Variants in GPR158 observed in about 807,000 individuals in gnomAD.
GPR158 encodes the protein G protein-coupled receptor 158, also known as metabotropic glycine receptor.
Under a neutral mutation model 78.2 loss-of-function variants are expected in GPR158, and 30 were observed. That is an observed-to-expected ratio of 0.38 (90% CI 0.29 to 0.52). The LOEUF is 0.52. Among genes scored for constraint, GPR158 ranks in the 20% least tolerant of loss-of-function variants. The pLI, the probability that GPR158 is intolerant of heterozygous loss-of-function variation, is 0.83. For synonymous variants in GPR158, 581 were observed against 591.1 expected (o/e 0.98, Z 0.25); for missense variants, 1,463 against 1,523.5 (o/e 0.96, Z 0.66).
At chr10:25,413,977 A>G (rs984864184) in intron 4 of GPR158, among the ~76,000 whole-genome samples, 2 of 152,212 alleles carry the variant, frequency 1.3e-5, no homozygotes, top group African/African-American at 2.4e-5. Flanking sequence ...TTACCTAGAT[A>G]AAATTATAGG....
intron 2 of GPR158, among the ~76,000 whole-genome samples, chr10:25,358,051 G>A (rs1485746125): frequency 1.3e-5 from 2 of 152,062 alleles, no homozygotes; most frequent in Non-Finnish European, 1.5e-5. Flanking sequence ...GATCATTATG[G>A]AACTTTAAGA....
intron 1 of GPR158, among the ~76,000 whole-genome samples, chr10:25,178,318 T>C (rs1401878669): frequency 6.6e-6 from 1 of 152,216 alleles, no homozygotes; most frequent in East Asian, 1.9e-4. Flanking sequence ...TCTATGAAGG[T>C]GTCCTAGGGG....
At chr10:25,583,296 C>A (rs1837227701) in intron 7 of GPR158, among the ~76,000 whole-genome samples, 1 of 152,178 alleles carries the variant, frequency 6.6e-6, no homozygotes, top group Admixed American at 6.5e-5. Flanking sequence ...CAACTACCTG[C>A]TTCCCAGCAG....
At chr10:25,552,241 G>C (rs1238358790) in intron 6 of GPR158, among the ~76,000 whole-genome samples, 2 of 152,116 alleles carry the variant, frequency 1.3e-5, no homozygotes, top group Admixed American at 1.3e-4. Context: ...GGAGAGATTA[G>C]ACCAGTCTCT....
intron 2 of GPR158, among the ~76,000 whole-genome samples, chr10:25,362,326 A>G (rs1281382824): frequency 6.6e-6 from 1 of 151,818 alleles, no homozygotes; most frequent in Non-Finnish European, 1.5e-5. Context: ...GTCTGTCTTT[A>G]TGTCAGTACT....
intron 5 of GPR158, among the ~76,000 whole-genome samples, chr10:25,505,783 A>G (rs147721481): frequency 4.9e-4 from 74 of 152,240 alleles, no homozygotes; most frequent in African/African-American, 1.6e-3. Flanking sequence ...TATGTGCCTC[A>G]TGCAAACACT....
intron 3 of GPR158, among the ~76,000 whole-genome samples, chr10:25,407,224 G>GA (rs1470867789): frequency 9.9e-5 from 15 of 151,992 alleles, no homozygotes; most frequent in East Asian, 3.9e-4. Flanking sequence ...TATAAATTCA[G>GA]AAAAAAAATG....
At chr10:25,563,293 A>G (rs1251087522) in intron 6 of GPR158, among the ~76,000 whole-genome samples, 2 of 152,062 alleles carry the variant, frequency 1.3e-5, no homozygotes, top group African/African-American at 4.8e-5. Flanking sequence ...TATTATTTAC[A>G]TAGAATATCA....
intron 2 of GPR158, among the ~76,000 whole-genome samples, chr10:25,289,534 C>G (rs1315784950): frequency 6.6e-6 from 1 of 151,928 alleles, no homozygotes; most frequent in Non-Finnish European, 1.5e-5. Context: ...CTGGGTTCAC[C>G]CCATTCTCCT....
chr10:25,215,397 G>A (rs1268453670), intron 1 of GPR158, among the ~76,000 whole-genome samples: 3 of 152,214 alleles, frequency 2.0e-5, no homozygotes, highest in South Asian at 4.1e-4. Flanking sequence ...GTCATTTAAA[G>A]GGAACAGAGT....
intron 2 of GPR158, among the ~76,000 whole-genome samples, chr10:25,275,157 G>A (rs1160640088): frequency 1.3e-5 from 2 of 152,108 alleles, no homozygotes; most frequent in African/African-American, 4.8e-5. Context: ...AGTTCTGCAG[G>A]CACTGTTCCA....
intron 2 of GPR158, among the ~76,000 whole-genome samples, chr10:25,351,729 G>GT (rs1393156993): frequency 4.4e-5 from 6 of 137,218 alleles, no homozygotes; most frequent in Admixed American, 4.3e-4. Context: ...TTTTTTTAAT[G>GT]TTTTTTCTTT....
At chr10:25,397,972 G>A (rs568342885) in intron 3 of GPR158, among the ~76,000 whole-genome samples, 2 of 152,290 alleles carry the variant, frequency 1.3e-5, no homozygotes, top group South Asian at 2.1e-4. Context: ...AGAGAGCCAC[G>A]TGGTTGGGGC....
At chr10:25,418,546 AT>A (rs1263530377) in intron 4 of GPR158, among the ~76,000 whole-genome samples, 5 of 151,940 alleles carry the variant, frequency 3.3e-5, no homozygotes, top group Non-Finnish European at 5.9e-5. Flanking sequence ...TTAAAACAGT[AT>A]TTTAAAGAGC....
At chr10:25,313,510 A>T (rs755629228) in intron 2 of GPR158, among the ~76,000 whole-genome samples, 1 of 150,708 alleles carries the variant, frequency 6.6e-6, no homozygotes, top group Non-Finnish European at 1.5e-5. Flanking sequence ...AAAAAAATAT[A>T]TTTTAATTCT....
chr10:25,217,192 C>T (rs1853228515), intron 1 of GPR158, among the ~76,000 whole-genome samples: 1 of 152,166 alleles, frequency 6.6e-6, no homozygotes, highest in Non-Finnish European at 1.5e-5. Context: ...TGGTCTCTTT[C>T]TGGTATAATG....
chr10:25,355,624 G>C (rs1855540286), intron 2 of GPR158, among the ~76,000 whole-genome samples: 1 of 151,996 alleles, frequency 6.6e-6, no homozygotes, highest in Admixed American at 6.6e-5. Flanking sequence ...CCAGTTTTCT[G>C]TGTCTAGCAT....
chr10:25,293,478 T>A (rs1295168594), intron 2 of GPR158, among the ~76,000 whole-genome samples: 2 of 152,178 alleles, frequency 1.3e-5, no homozygotes, highest in Non-Finnish European at 2.9e-5. Context: ...CAAATATTTG[T>A]CTCTCAAAAA....
chr10:25,442,774 G>A (rs531989146), intron 4 of GPR158, among the ~76,000 whole-genome samples: 3 of 151,968 alleles, frequency 2.0e-5, no homozygotes, highest in Admixed American at 6.6e-5. Context: ...GCGTCGAATC[G>A]ATTCTCTTTT....
Sources: gnomAD v4.1 joint callset for allele counts (sites outside exome capture counted in the v4.1 genomes callset) on GRCh38, gnomAD v4.1.1 for gene constraint, MANE v1.5 for transcripts, NCBI Gene and HGNC (gene_info 2026-07-23, HGNC 2026-07-21) for gene names.